Variants in CLASP1 observed in about 807,000 individuals in gnomAD.
CLASP1 encodes the protein cytoplasmic linker associated protein 1, also known as CLIP-associating protein 1.
Under a neutral mutation model 192.3 loss-of-function variants are expected in CLASP1, and 38 were observed. That is an observed-to-expected ratio of 0.20 (90% CI 0.15 to 0.26). The LOEUF (loss-of-function observed/expected upper bound fraction) is 0.26. Among genes scored for constraint, CLASP1 ranks in the 10% least tolerant of loss-of-function variants. The probability of loss-of-function intolerance (pLI) is 1.00; values close to 1 mark genes in which losing one functional copy is unlikely to be tolerated. For missense variants in CLASP1, 1,433 were observed against 1,932.5 expected (o/e 0.74, Z 4.85); for synonymous variants, 691 against 712.8 (o/e 0.97, Z 0.49).
chr2:121,365,235 G>A (rs527378422), exon 36 of CLASP1: 2 of 1,613,656 alleles, frequency 1.2e-6, no homozygotes, highest in East Asian at 4.5e-5. Flanking sequence ...CATTGTGGTT[G>A]GACAGCTCTT....
At chr2:121,630,135 G>T (rs2069213244) in intron 1 of CLASP1, among the ~76,000 whole-genome samples, 1 of 151,946 alleles carries the variant, frequency 6.6e-6, no homozygotes, top group African/African-American at 2.4e-5. Flanking sequence ...GGCCAGGCTG[G>T]TCTCAAACTC....
chr2:121,386,767 TA>T (rs1046645152), intron 32 of CLASP1, among the ~76,000 whole-genome samples: 1 of 152,230 alleles, frequency 6.6e-6, no homozygotes, highest in African/African-American at 2.4e-5. Flanking sequence ...CTTGGATGAC[TA>T]AATACCTTTA....
At chr2:121,613,724 G>A (rs1222964945) in intron 1 of CLASP1, among the ~76,000 whole-genome samples, 2 of 152,064 alleles carry the variant, frequency 1.3e-5, no homozygotes, top group East Asian at 3.9e-4. Context: ...TTAACAATGG[G>A]GGATGGAAAG....
At chr2:121,631,087 A>T (rs1187581930) in intron 1 of CLASP1, among the ~76,000 whole-genome samples, 3 of 117,248 alleles carry the variant, frequency 2.6e-5, no homozygotes, top group Admixed American at 2.5e-4. Context: ...TGAACCCGGG[A>T]GGTGGAGGTT....
chr2:121,487,141 G>T (rs1161121455), intron 8 of CLASP1, among the ~76,000 whole-genome samples: 1 of 151,930 alleles, frequency 6.6e-6, no homozygotes, highest in Non-Finnish European at 1.5e-5. Context: ...CTCCCACCAG[G>T]TCTTTCCCCA....
intron 37 of CLASP1, among the ~76,000 whole-genome samples, chr2:121,359,832 T>C (rs572239164): frequency 6.6e-6 from 1 of 152,352 alleles, no homozygotes; most frequent in East Asian, 1.9e-4. Context: ...TTGCTTACTA[T>C]AGAACATGTA....
At chr2:121,564,694 G>A (rs1317655245) in intron 2 of CLASP1, among the ~76,000 whole-genome samples, 3 of 152,180 alleles carry the variant, frequency 2.0e-5, no homozygotes, top group Non-Finnish European at 4.4e-5. Context: ...AATGACAGAA[G>A]TACAGATTAT....
At chr2:121,346,484 G>A (rs373728058) in intron 39 of CLASP1, among the ~76,000 whole-genome samples, 1 of 152,234 alleles carries the variant, frequency 6.6e-6, no homozygotes, top group East Asian at 1.9e-4. Flanking sequence ...CACCCTTAAA[G>A]GAACATTAGA....
intron 20 of CLASP1, among the ~76,000 whole-genome samples, chr2:121,429,098 C>T (rs1014582494): frequency 2.0e-5 from 3 of 152,170 alleles, no homozygotes; most frequent in Non-Finnish European, 4.4e-5. Context: ...CTTCTGCTTT[C>T]TTTGCAGAAA....
chr2:121,397,841 C>T (rs2075538547), intron 29 of CLASP1, among the ~76,000 whole-genome samples: 2 of 152,220 alleles, frequency 1.3e-5, no homozygotes, highest in Non-Finnish European at 2.9e-5. Flanking sequence ...TTCAAATTAA[C>T]ATACATCCTC....
chr2:121,498,888 T>C lies in CLASP1; in HGVS notation c.712+4279A>G, dbSNP rs151019570. Among the ~76,000 whole-genome samples the C allele has an allele frequency of 2.6e-4, 39 of 152,328 alleles. No individual in the cohort carries two copies. The East Asian group carries it at 7.5e-3, about 29-fold the overall frequency. On this transcript the variant is annotated intron_variant, in intron 8 of 39. Transcript: ENST00000263710. Reference sequence around the variant, plus strand: ...ATGAGATACCACTTTACAGCCACTATGGTGACTATAATGAAAAAGATAGAC... The same window carrying C: ...ATGAGATACCACTTTACAGCCACTACGGTGACTATAATGAAAAAGATAGAC...
intron 8 of CLASP1, among the ~76,000 whole-genome samples, chr2:121,493,423 G>T (rs1487776456): frequency 3.3e-5 from 5 of 152,186 alleles, no homozygotes; most frequent in Admixed American, 6.5e-5. Context: ...AATAAATGGT[G>T]CTGGAAAAAC....
At chr2:121,488,075 C>T (rs1008417750) in intron 8 of CLASP1, among the ~76,000 whole-genome samples, 3 of 152,136 alleles carry the variant, frequency 2.0e-5, no homozygotes, top group African/African-American at 4.8e-5. Context: ...CACTGGCTCA[C>T]CTTGCTCCAG....
intron 8 of CLASP1, among the ~76,000 whole-genome samples, chr2:121,500,399 A>AGAAG (rs1553601145): frequency 6.7e-6 from 1 of 149,552 alleles, no homozygotes; most frequent in East Asian, 1.9e-4. Flanking sequence ...AAAGAAAGAA[A>AGAAG]AGAAAGAAAG....
chr2:121,528,324 G>C (rs946235636), intron 4 of CLASP1, among the ~76,000 whole-genome samples: 3 of 152,158 alleles, frequency 2.0e-5, no homozygotes, highest in African/African-American at 7.2e-5. Context: ...CCGGAAGACA[G>C]GGGCCAGGGC....
intron 10 of CLASP1, 105 bp from the exon 11 acceptor site, chr2:121,461,298 T>A: frequency 1.5e-6 from 1 of 655,402 alleles, no homozygotes; most frequent in South Asian, 2.1e-5. Flanking sequence ...AAAGAAATTA[T>A]TTTTTTAAGA....
At chr2:121,370,413 C>A (rs1240410498) in intron 34 of CLASP1, among the ~76,000 whole-genome samples, 1 of 152,122 alleles carries the variant, frequency 6.6e-6, no homozygotes. Context: ...GCAACCTCCG[C>A]CTTCTAGGTT....
At chr2:121,531,071 T>A in intron 2 of CLASP1, 1 of 690,562 alleles carries the variant, frequency 1.4e-6, no homozygotes, top group Middle Eastern at 3.7e-4. Flanking sequence ...AAACTAGTAC[T>A]TTGTGGTTAA....
At chr2:121,350,467 G>T (rs2064154572) in intron 37 of CLASP1, among the ~76,000 whole-genome samples, 1 of 152,162 alleles carries the variant, frequency 6.6e-6, no homozygotes. Flanking sequence ...AAACTGCTTG[G>T]GGTCACTTTG....
Sources: allele counts gnomAD v4.1 joint callset (sites outside exome capture counted in the v4.1 genomes callset), GRCh38; gene constraint gnomAD v4.1.1; transcripts MANE v1.5; gene names NCBI Gene and HGNC (gene_info 2026-07-23, HGNC 2026-07-21).